Variants in CDH18 observed in about 807,000 individuals in gnomAD.
CDH18 encodes the protein cadherin 18.
In CDH18, 31 loss-of-function variants were observed where a neutral mutation model predicts 67.9. That is an observed-to-expected ratio of 0.46 (90% confidence interval 0.34 to 0.62). CDH18 has a LOEUF of 0.62. Ranked by LOEUF, CDH18 falls within the 20% of genes least tolerant of loss-of-function variation. CDH18 has a pLI of 0.01. For synonymous variants in CDH18, 362 were observed against 347.2 expected (o/e 1.04, Z -0.48); for missense variants, 890 against 975.5 (o/e 0.91, Z 1.17).
intron 5 of CDH18, among the ~76,000 whole-genome samples, chr5:19,614,977 C>T (rs1749583806): frequency 6.6e-6 from 1 of 151,990 alleles, no homozygotes; most frequent in Non-Finnish European, 1.5e-5. Flanking sequence ...GAAACCCCGT[C>T]TCTACTAAAA....
At chr5:19,925,105 T>G (rs1367407407) in intron 2 of CDH18, among the ~76,000 whole-genome samples, 3 of 152,106 alleles carry the variant, frequency 2.0e-5, no homozygotes, top group African/African-American at 7.2e-5. Flanking sequence ...TAAAGCTAGC[T>G]AAGAAAAATG....
chr5:20,095,936 A>C (rs1437862985), intron 2 of CDH18, among the ~76,000 whole-genome samples: 1 of 152,102 alleles, frequency 6.6e-6, no homozygotes, highest in Non-Finnish European at 1.5e-5. Context: ...GGAAGGCTGA[A>C]CTGCAAAATA....
intron 1 of CDH18, among the ~76,000 whole-genome samples, chr5:20,572,744 G>C (rs1758884235): frequency 6.6e-6 from 1 of 152,106 alleles, no homozygotes; most frequent in Non-Finnish European, 1.5e-5. Flanking sequence ...AAACAGAAGA[G>C]GTTGTACTTT....
chr5:19,522,129 C>A (rs1359964836), intron 9 of CDH18, among the ~76,000 whole-genome samples: 1 of 151,740 alleles, frequency 6.6e-6, no homozygotes, highest in African/African-American at 2.4e-5. Flanking sequence ...CATAAAGATA[C>A]AATAAAAGTT....
intron 4 of CDH18, among the ~76,000 whole-genome samples, chr5:19,745,328 T>A (rs944412229): frequency 1.3e-5 from 2 of 152,222 alleles, no homozygotes; most frequent in African/African-American, 4.8e-5. Flanking sequence ...AATGCTCGTA[T>A]TGGCTACTGT....
chr5:19,658,970 TA>T (rs534678227), intron 5 of CDH18, among the ~76,000 whole-genome samples: 1 of 152,080 alleles, frequency 6.6e-6, no homozygotes, highest in Non-Finnish European at 1.5e-5. Flanking sequence ...TATGCAGCCA[TA>T]AAAAATGATG....
intron 2 of CDH18, among the ~76,000 whole-genome samples, chr5:19,948,825 T>C (rs1795515925): frequency 6.6e-6 from 1 of 152,200 alleles, no homozygotes; most frequent in Non-Finnish European, 1.5e-5. Context: ...TGTGGATATC[T>C]AATTATTTCA....
At chr5:20,561,475 A>C (rs932854465) in intron 1 of CDH18, among the ~76,000 whole-genome samples, 1 of 152,080 alleles carries the variant, frequency 6.6e-6, no homozygotes, top group Non-Finnish European at 1.5e-5. Flanking sequence ...CCTTAAATTC[A>C]TCTTACTAAG....
At chr5:19,827,623 G>A (rs1780541487) in intron 3 of CDH18, among the ~76,000 whole-genome samples, 1 of 151,978 alleles carries the variant, frequency 6.6e-6, no homozygotes, top group African/African-American at 2.4e-5. Flanking sequence ...AAGTAAACAG[G>A]CTACTCCTGA....
At chr5:19,780,212 TTCA>T (rs1774940560) in intron 3 of CDH18, among the ~76,000 whole-genome samples, 1 of 152,112 alleles carries the variant, frequency 6.6e-6, no homozygotes, top group Non-Finnish European at 1.5e-5. Flanking sequence ...ACAGAAAGTA[TTCA>T]TCATTTAACT....
In CDH18 at chr5:19,557,075, C is replaced by T. The variant is rs144374389; in HGVS notation, c.1254-13070G>A. Among the ~76,000 whole-genome samples the T allele has an allele frequency of 1.4e-3, 215 of 152,118 alleles. 1 individual carries two copies. Among genetic ancestry groups the T allele is most frequent in the Admixed American group, 4.8e-3 (74 of 15,270 alleles). On this transcript the variant is annotated intron_variant, in intron 8 of 12. Transcript: ENST00000382275. Reference sequence around the variant, plus strand: ...AAGGGAAAATACAGTCTTTTTCAGACAAACAAATGCTGAGAGAATTTACCA... The same window carrying T: ...AAGGGAAAATACAGTCTTTTTCAGATAAACAAATGCTGAGAGAATTTACCA...
At chr5:20,114,216 T>G (rs1396910940) in intron 2 of CDH18, among the ~76,000 whole-genome samples, 1 of 152,222 alleles carries the variant, frequency 6.6e-6, no homozygotes, top group Non-Finnish European at 1.5e-5. Flanking sequence ...CCTAAAAATA[T>G]CTTGGAAATA....
chr5:20,310,600 T>A (rs1438073207), intron 1 of CDH18, among the ~76,000 whole-genome samples: 1 of 152,206 alleles, frequency 6.6e-6, no homozygotes, highest in East Asian at 1.9e-4. Context: ...AAAAGTGAGA[T>A]GAGTTCATAT....
chr5:19,923,752 C>T (rs207465693), intron 2 of CDH18, among the ~76,000 whole-genome samples: 2 of 152,134 alleles, frequency 1.3e-5, no homozygotes, highest in Non-Finnish European at 2.9e-5. Context: ...ATATTGTGCT[C>T]AAAGCCTTTT....
At chr5:20,292,863 G>A (rs372632521) in intron 1 of CDH18, among the ~76,000 whole-genome samples, 2 of 152,094 alleles carry the variant, frequency 1.3e-5, no homozygotes, top group Non-Finnish European at 2.9e-5. Context: ...AGTCATGTAG[G>A]ACTAAGGACT....
At chr5:20,569,264 A>G (rs374420262) in intron 1 of CDH18, among the ~76,000 whole-genome samples, 14 of 152,338 alleles carry the variant, frequency 9.2e-5, no homozygotes, top group Admixed American at 5.9e-4. Context: ...CAGAGACATT[A>G]AAACATTTTC....
chr5:19,839,865 C>A (rs942141865), intron 2 of CDH18, among the ~76,000 whole-genome samples: 1 of 151,850 alleles, frequency 6.6e-6, no homozygotes, highest in Non-Finnish European at 1.5e-5. Flanking sequence ...GGCTTGATTT[C>A]TAGTACACAT....
Position 19,590,501 on chromosome 5 carries a change from G to A in CDH18, c.999+556C>T, listed in dbSNP as rs905513502. Among the ~76,000 whole-genome samples the A allele has an allele frequency of 3.9e-5, 6 of 152,022 alleles. No individual in the cohort carries two copies. The East Asian group carries it at 9.7e-4, about 25-fold the overall frequency. ...AGACAGATGGATAGATAGATAGATA[G>A]ATAGATAGACAGACAGACAGATAGA... is the stretch of plus-strand genomic sequence containing the variant. On this transcript the variant is annotated intron_variant, in intron 7 of 12. Transcript: ENST00000382275.
At chr5:19,865,202 T>C (rs1290104644) in intron 2 of CDH18, among the ~76,000 whole-genome samples, 1 of 152,092 alleles carries the variant, frequency 6.6e-6, no homozygotes, top group Non-Finnish European at 1.5e-5. Flanking sequence ...TGAATAATAC[T>C]GTAAATAAAT....
Sources: gnomAD v4.1 joint callset for allele counts (sites outside exome capture counted in the v4.1 genomes callset) on GRCh38, gnomAD v4.1.1 for gene constraint, MANE v1.5 for transcripts, NCBI Gene and HGNC (gene_info 2026-07-23, HGNC 2026-07-21) for gene names.